PTPRD: variants seen among roughly 807,000 people sequenced by gnomAD.
PTPRD encodes receptor-type tyrosine-protein phosphatase delta.
PTPRD carries 34 observed loss-of-function variants against 214.5 expected under a neutral mutation model. The ratio of observed to expected loss-of-function variants is 0.16; its 90% CI spans 0.12 to 0.21. The LOEUF (loss-of-function observed/expected upper bound fraction) is 0.21, where lower values mean the gene tolerates loss of function less well. Ranked by LOEUF, PTPRD falls within the 10% of genes least tolerant of loss-of-function variation. The probability of loss-of-function intolerance (pLI) is 1.00; values close to 1 mark genes in which losing one functional copy is unlikely to be tolerated. For missense variants in PTPRD, 2,545 were observed against 2,398.7 expected (o/e 1.06, Z -1.27); for synonymous variants, 1,128 against 845.7 (o/e 1.33, Z -5.79).
chr9:9,063,952 G>A (rs1010521193), intron 10 of PTPRD, among the ~76,000 whole-genome samples: 1 of 152,144 alleles, frequency 6.6e-6, no homozygotes, highest in African/African-American at 2.4e-5. Flanking sequence ...TTCAGTGAAA[G>A]CTTTGCTGAA....
intron 2 of PTPRD, among the ~76,000 whole-genome samples, chr9:10,434,848 T>C (rs2098706834): frequency 2.0e-5 from 3 of 151,866 alleles, no homozygotes; most frequent in African/African-American, 7.2e-5. Context: ...ATCTTATAAA[T>C]CTGGACTGGT....
At chr9:9,447,739 T>C (rs896511063) in intron 8 of PTPRD, among the ~76,000 whole-genome samples, 1 of 152,134 alleles carries the variant, frequency 6.6e-6, no homozygotes, top group Non-Finnish European at 1.5e-5. Flanking sequence ...TTGATTACAA[T>C]TGCTATGGGG....
intron 3 of PTPRD, among the ~76,000 whole-genome samples, chr9:10,316,732 A>G (rs1043329572): frequency 2.6e-5 from 4 of 151,942 alleles, no homozygotes; most frequent in Non-Finnish European, 5.9e-5. Context: ...CTGCTATCAG[A>G]TATTAGTAAG....
intron 3 of PTPRD, among the ~76,000 whole-genome samples, chr9:10,046,469 T>TAA (rs1044846188): frequency 8.2e-4 from 124 of 151,990 alleles, no homozygotes; most frequent in African/African-American, 2.7e-3. Flanking sequence ...TTTTTACCTT[T>TAA]AAAAAATTAT....
chr9:9,406,640 A>G (rs148587663), intron 8 of PTPRD, among the ~76,000 whole-genome samples: 2,203 of 152,032 alleles, frequency 0.014, 43 homozygotes, highest in African/African-American at 0.043. Flanking sequence ...CATTCCCAAA[A>G]GCAAGAGGAT....
At chr9:9,992,180 T>A (rs2095960398) in intron 4 of PTPRD, among the ~76,000 whole-genome samples, 1 of 152,142 alleles carries the variant, frequency 6.6e-6, no homozygotes, top group Non-Finnish European at 1.5e-5. Flanking sequence ...AATGGTTGCA[T>A]GACTGTGAAT....
chr9:9,560,112 G>C (rs1324470343), intron 8 of PTPRD, among the ~76,000 whole-genome samples: 1 of 152,174 alleles, frequency 6.6e-6, no homozygotes, highest in African/African-American at 2.4e-5. Flanking sequence ...TGGAATGCTA[G>C]GGCAGGACTG....
intron 5 of PTPRD, among the ~76,000 whole-genome samples, chr9:9,920,282 ATTTG>A (rs897633584): frequency 6.6e-6 from 1 of 152,012 alleles, no homozygotes; most frequent in African/African-American, 2.4e-5. Context: ...CAATAAGCTG[ATTTG>A]TCTTCTTGTT....
chr9:9,774,140 A>G (rs1217086256), intron 5 of PTPRD, among the ~76,000 whole-genome samples: 1 of 152,174 alleles, frequency 6.6e-6, no homozygotes, highest in Non-Finnish European at 1.5e-5. Flanking sequence ...CGGAATCAAG[A>G]GTTCCAGGTC....
intron 8 of PTPRD, among the ~76,000 whole-genome samples, chr9:9,458,902 C>A (rs1024292833): frequency 6.6e-6 from 1 of 152,006 alleles, no homozygotes; most frequent in African/African-American, 2.4e-5. Flanking sequence ...ATTGCACCAC[C>A]GCAATCCAGG....
At chr9:10,236,989 T>C (rs1466336419) in intron 3 of PTPRD, among the ~76,000 whole-genome samples, 2 of 151,964 alleles carry the variant, frequency 1.3e-5, no homozygotes, top group Non-Finnish European at 2.9e-5. Flanking sequence ...GAGAATATTC[T>C]GTATGATACA....
intron 2 of PTPRD, among the ~76,000 whole-genome samples, chr9:10,423,006 A>T (rs1038464512): frequency 7.2e-5 from 11 of 152,054 alleles, no homozygotes; most frequent in African/African-American, 2.4e-4. Context: ...ACATGCACAC[A>T]TATGTTTATT....
chr9:9,769,223 A>G (rs1342046779), intron 5 of PTPRD, among the ~76,000 whole-genome samples: 1 of 152,016 alleles, frequency 6.6e-6, no homozygotes, highest in Non-Finnish European at 1.5e-5. Flanking sequence ...TATTTTGTAA[A>G]CTACATTTTA....
chr9:10,408,636 A>G (rs891664009), intron 2 of PTPRD, among the ~76,000 whole-genome samples: 3 of 151,688 alleles, frequency 2.0e-5, no homozygotes, highest in African/African-American at 4.8e-5. Context: ...GTTTCCTCTT[A>G]CAGAGTATAG....
At chr9:8,501,093 G>C (rs1236402270) in intron 23 of PTPRD, 34 bp from the exon 24 acceptor site, 7 of 1,551,042 alleles carry the variant, frequency 4.5e-6, no homozygotes, top group Non-Finnish European at 5.3e-6. Context: ...GAGGATTTAA[G>C]TGAAAGGACA....
intron 9 of PTPRD, among the ~76,000 whole-genome samples, chr9:9,218,949 G>C (rs1015945189): frequency 8.1e-4 from 123 of 152,142 alleles, no homozygotes; most frequent in African/African-American, 2.9e-3. Flanking sequence ...CATTTGTGTA[G>C]TCCAGCTGTT....
At chr9:9,561,448 T>C (rs1174218861) in intron 8 of PTPRD, among the ~76,000 whole-genome samples, 1 of 152,222 alleles carries the variant, frequency 6.6e-6, no homozygotes, top group Non-Finnish European at 1.5e-5. Context: ...AATAAATCCA[T>C]TCAAATATTT....
chr9:10,070,572 A>G (rs1175939602), intron 3 of PTPRD, among the ~76,000 whole-genome samples: 1 of 152,046 alleles, frequency 6.6e-6, no homozygotes, highest in African/African-American at 2.4e-5. Context: ...ATATTTGAAT[A>G]AAATTAAAAG....
intron 5 of PTPRD, among the ~76,000 whole-genome samples, chr9:9,846,109 A>G (rs2059478121): frequency 6.6e-6 from 1 of 152,120 alleles, no homozygotes; most frequent in African/African-American, 2.4e-5. Flanking sequence ...GCTATTTATC[A>G]GTTATCTAAA....
Sources: gnomAD v4.1 joint callset for allele counts (sites outside exome capture counted in the v4.1 genomes callset) on GRCh38, gnomAD v4.1.1 for gene constraint, MANE v1.5 for transcripts, NCBI Gene and HGNC (gene_info 2026-07-23, HGNC 2026-07-21) for gene names.